SLC22A15: variants seen among roughly 807,000 people sequenced by gnomAD.
SLC22A15 encodes flipt 1.
In SLC22A15, 45 loss-of-function variants were observed where a neutral mutation model predicts 62.7. The ratio of observed to expected loss-of-function variants is 0.72; its 90% confidence interval spans 0.56 to 0.92. The LOEUF is 0.92. Ranked by LOEUF, SLC22A15 falls within the 40% of genes least tolerant of loss-of-function variation. The pLI is 0.00. For missense variants in SLC22A15, 622 were observed against 665.6 expected, an observed-to-expected ratio of 0.93 and a Z score of 0.72; for synonymous variants, 264 against 267.0, an observed-to-expected ratio of 0.99 and a Z score of 0.11.
rs140935146 is a variant in SLC22A15 at position 116,012,956 on chromosome 1, C to A, written c.301-6626C>A. ...GAGGGCAAACAAGTGATATTATTCT[C>A]TACAGTGCTCTCCTGTATTCAGTAA... is the stretch of plus-strand genomic sequence containing the variant. On this transcript the variant is annotated intron_variant, in intron 2 of 11. Transcript: ENST00000369503. Among the ~76,000 whole-genome samples, 18 of 152,308 alleles carry A rather than the reference C, an allele frequency of 1.2e-4. No individual in the cohort carries two copies. In the East Asian group the frequency reaches 2.3e-3, roughly 20 times the overall value.
chr1:116,018,302 A>G (rs1466962974), intron 2 of SLC22A15, among the ~76,000 whole-genome samples: 3 of 152,196 alleles, frequency 2.0e-5, no homozygotes, highest in Non-Finnish European at 4.4e-5. Flanking sequence ...TTCATACAGT[A>G]TAATGTCTTC....
chr1:116,061,797 A>G (rs1438562600), intron 8 of SLC22A15, among the ~76,000 whole-genome samples: 2 of 152,230 alleles, frequency 1.3e-5, no homozygotes, highest in African/African-American at 2.4e-5. Context: ...GACATAAAAT[A>G]TATTTTTTGC....
In SLC22A15 at chr1:116,037,362, T is replaced by C. The variant is rs763246139; in HGVS notation, c.1145T>C (p.Ile382Thr). 1.2e-6 allele frequency: 2 copies of C among 1,613,336 alleles called. No individual in the cohort carries two copies. The highest frequency in any genetic ancestry group is 2.2e-5 in the East Asian group (1 of 44,858). ...FLCLGGLACL[I>T]VMFLPEKKDT... ...TGCCTAGGAGGACTGGCTTGTCTTA[T>C]TGTAATGTTTCTTCCAGAAAAGAAA... Residue 382 changes from isoleucine (I) to threonine (T), a missense_variant, in exon 8 of 12, where the codon ATT becomes ACT. By Grantham distance (89) the Ile-to-Thr change is moderately conservative. Transcript: ENST00000369503.
At chr1:116,032,429 C>T in intron 6 of SLC22A15, 1 of 985,232 alleles carries the variant, frequency 1.0e-6, no homozygotes, top group Non-Finnish European at 1.2e-6. Flanking sequence ...TATGTATTTG[C>T]CATGAAGCCT....
At chr1:115,983,614 C>T (rs534996739) in intron 1 of SLC22A15, among the ~76,000 whole-genome samples, 5 of 152,194 alleles carry the variant, frequency 3.3e-5, no homozygotes, top group African/African-American at 4.8e-5. Flanking sequence ...GACAGGCAGT[C>T]GAGAAGGGAA....
chr1:115,984,530 G>T (rs1412058538), intron 1 of SLC22A15, among the ~76,000 whole-genome samples: 1 of 152,174 alleles, frequency 6.6e-6, no homozygotes, highest in African/African-American at 2.4e-5. Context: ...GGGCCCATAA[G>T]ATCATAATGG....
intron 2 of SLC22A15, among the ~76,000 whole-genome samples, chr1:115,999,502 C>G (rs1355586330): frequency 7.5e-6 from 1 of 133,952 alleles, no homozygotes; most frequent in Non-Finnish European, 1.6e-5. Flanking sequence ...TATTTTTGTT[C>G]TTTTTTTTTT....
chr1:116,062,596 C>T (rs923781904), intron 8 of SLC22A15, among the ~76,000 whole-genome samples, 166 bp from the exon 9 acceptor site: 2 of 152,192 alleles, frequency 1.3e-5, no homozygotes, highest in Admixed American at 6.5e-5. Context: ...AAAATAGATG[C>T]ATGTGTTGTG....
intron 8 of SLC22A15, among the ~76,000 whole-genome samples, chr1:116,055,829 GA>G (rs2101549087): frequency 7.0e-6 from 1 of 143,762 alleles, no homozygotes; most frequent in South Asian, 2.3e-4. Context: ...AATAGATGCA[GA>G]AAAGGCCTTT....
chr1:116,032,654 A>G (rs1309260215), intron 6 of SLC22A15: 106 of 984,238 alleles, frequency 1.1e-4, no homozygotes, highest in Non-Finnish European at 1.3e-4. Context: ...CAGAACCATC[A>G]CAGCACTAGG....
At chr1:116,033,514 C>T (rs1657509843) in intron 6 of SLC22A15, among the ~76,000 whole-genome samples, 2 of 150,924 alleles carry the variant, frequency 1.3e-5, no homozygotes, top group African/African-American at 2.4e-5. Context: ...CTATTCTTGC[C>T]CTGACTTGAT....
At chr1:116,029,056 T>C (rs1657259212) in intron 5 of SLC22A15, among the ~76,000 whole-genome samples, 1 of 152,186 alleles carries the variant, frequency 6.6e-6, no homozygotes, top group South Asian at 2.1e-4. Flanking sequence ...AGTAGCAGGC[T>C]CTTTGCTCCA....
At chr1:116,038,603 G>A (rs539609247) in intron 8 of SLC22A15, among the ~76,000 whole-genome samples, 2 of 152,332 alleles carry the variant, frequency 1.3e-5, no homozygotes, top group South Asian at 4.1e-4. Context: ...GAGCAAATGG[G>A]TGCTCCTGCT....
At chr1:115,998,305 T>C (rs1655527140) in intron 2 of SLC22A15, among the ~76,000 whole-genome samples, 1 of 152,032 alleles carries the variant, frequency 6.6e-6, no homozygotes, top group African/African-American at 2.4e-5. Flanking sequence ...CGAAGGATCA[T>C]TTTGGAAGTA....
chr1:115,982,430 G>A (rs1211878465), intron 1 of SLC22A15, among the ~76,000 whole-genome samples: 1 of 152,102 alleles, frequency 6.6e-6, no homozygotes, highest in Non-Finnish European at 1.5e-5. Context: ...GCAGAAATGT[G>A]TATCATAACT....
rs201807893 is a variant in SLC22A15, at chr1:116,027,063, A to C, written c.728+41A>C. On this transcript the variant is annotated intron_variant, in intron 5 of 11. Transcript: ENST00000369503. ...TCTTAGAGTTTTAATTTAAAAAGCC[A>C]AAGCAATGTCTTAAGAGGATGTGGG... The C allele has an allele frequency of 9.4e-6, 15 of 1,592,042 alleles. No homozygotes were observed. In the East Asian group the frequency reaches 2.7e-4, roughly 29 times the overall value.
chr1:116,031,221 A>G (rs1445037990), intron 5 of SLC22A15, 145 bp from the exon 6 acceptor site: 6 of 622,552 alleles, frequency 9.6e-6, no homozygotes, highest in African/African-American at 1.8e-5. Context: ...TAGCCCTTTC[A>G]TATGTTATTG....
intron 8 of SLC22A15, among the ~76,000 whole-genome samples, chr1:116,054,534 C>T (rs1249289686): frequency 6.6e-6 from 1 of 152,150 alleles, no homozygotes; most frequent in Admixed American, 6.5e-5. Flanking sequence ...AGGAATTGAA[C>T]TCAGCTCTGC....
At chr1:116,047,587 A>C (rs1241108123) in intron 8 of SLC22A15, among the ~76,000 whole-genome samples, 1 of 152,178 alleles carries the variant, frequency 6.6e-6, no homozygotes, top group African/African-American at 2.4e-5. Flanking sequence ...GTTCCAGCCC[A>C]GAGCCAGGTA....
Sources: gnomAD v4.1 joint callset for allele counts (sites outside exome capture counted in the v4.1 genomes callset) on GRCh38, gnomAD v4.1.1 for gene constraint, MANE v1.5 for transcripts, NCBI Gene and HGNC (gene_info 2026-07-23, HGNC 2026-07-21) for gene names.